The following PLCB4 variants were observed in gnomAD, a reference collection of about 807,000 sequenced individuals.
PLCB4 encodes 1-phosphatidylinositol 4,5-bisphosphate phosphodiesterase beta-4.
PLCB4 carries 77 observed loss-of-function variants against 178.8 expected under a neutral mutation model. The observed-to-expected ratio is 0.43, with a 90% CI of 0.36 to 0.52. PLCB4 has a LOEUF of 0.52. PLCB4 is among the 20% of genes least tolerant of loss of function. The pLI, the probability that PLCB4 is intolerant of heterozygous loss-of-function variation, is 0.00. For missense variants in PLCB4, 1,024 were observed against 1,453.4 expected (o/e 0.70, Z 4.80); for synonymous variants, 496 against 490.8 (o/e 1.01, Z -0.14).
chr20:9,305,198 T>G (rs2094751971), intron 3 of PLCB4, among the ~76,000 whole-genome samples: 1 of 152,164 alleles, frequency 6.6e-6, no homozygotes, highest in Non-Finnish European at 1.5e-5. Flanking sequence ...TTGTGTTTCC[T>G]ACTTATAATA....
chr20:9,175,720 T>G (rs1200594642), intron 2 of PLCB4, among the ~76,000 whole-genome samples: 1 of 152,106 alleles, frequency 6.6e-6, no homozygotes, highest in Non-Finnish European at 1.5e-5. Flanking sequence ...CTCCCTCCCC[T>G]CATCTGCCTC....
chr20:9,394,558 A>G (rs1343186005), intron 18 of PLCB4, among the ~76,000 whole-genome samples: 1 of 152,184 alleles, frequency 6.6e-6, no homozygotes. Flanking sequence ...ATCCTAATGT[A>G]TGAAACACTA....
At chr20:9,339,373 C>T (rs1018304689) in intron 7 of PLCB4, among the ~76,000 whole-genome samples, 1 of 152,076 alleles carries the variant, frequency 6.6e-6, no homozygotes, top group African/African-American at 2.4e-5. Context: ...TTCTCCTTTT[C>T]TAACAAGCTC....
Position 9,240,024 on chromosome 20 carries a change from G to T in PLCB4, c.-16+22572G>T, listed in dbSNP as rs186663368. On this transcript the variant is annotated intron_variant, in intron 3 of 39. Transcript: ENST00000378473. ...TAGATGGTGCCTGCCCAGATTGAGG[G>T]TGGGTCTGCCTCTCCCAGTCCACTG... is the stretch of plus-strand genomic sequence containing the variant. Among the ~76,000 whole-genome samples, 6 of 152,314 alleles carry T rather than the reference G, an allele frequency of 3.9e-5. No individual in the cohort carries two copies. In the East Asian group the frequency reaches 1.2e-3, roughly 29 times the overall value.
intron 36 of PLCB4, among the ~76,000 whole-genome samples, chr20:9,470,565 A>G (rs1033184421): frequency 2.6e-5 from 4 of 152,238 alleles, no homozygotes; most frequent in Non-Finnish European, 4.4e-5. Flanking sequence ...TTTTTCAAAT[A>G]TGTTACAAAG....
At chr20:9,436,902 G>A (rs897035781) in intron 29 of PLCB4, 100 bp from the exon 30 acceptor site, 9 of 1,105,996 alleles carry the variant, frequency 8.1e-6, no homozygotes, top group Non-Finnish European at 1.3e-6. Flanking sequence ...TCTAGGAAGA[G>A]TATGGTAGAA....
At chr20:9,240,049 G>A (rs2094040982) in intron 3 of PLCB4, among the ~76,000 whole-genome samples, 1 of 152,186 alleles carries the variant, frequency 6.6e-6, no homozygotes, top group Non-Finnish European at 1.5e-5. Flanking sequence ...CCAGTCCACT[G>A]ACTCAAATGT....
chr20:9,128,854 C>A (rs1316396963), intron 2 of PLCB4, among the ~76,000 whole-genome samples: 2 of 152,080 alleles, frequency 1.3e-5, no homozygotes, highest in African/African-American at 2.4e-5. Context: ...TCCTGGCAAC[C>A]ACCATTCTAT....
At chr20:9,157,219 T>TG (rs1322037126) in intron 2 of PLCB4, among the ~76,000 whole-genome samples, 2 of 138,112 alleles carry the variant, frequency 1.4e-5, no homozygotes, top group East Asian at 4.1e-4. Flanking sequence ...AAAAATCATA[T>TG]GAAAAAAAAA....
chr20:9,121,086 C>A (rs80290743), intron 2 of PLCB4, among the ~76,000 whole-genome samples: 1,880 of 152,292 alleles, frequency 0.012, 17 homozygotes, highest in Non-Finnish European at 0.019. Flanking sequence ...GGTCTCAAAG[C>A]TTTTCCCTTT....
At chr20:9,365,910 G>A (rs962635327) in intron 9 of PLCB4, among the ~76,000 whole-genome samples, 1 of 152,172 alleles carries the variant, frequency 6.6e-6, no homozygotes, top group Non-Finnish European at 1.5e-5. Context: ...GTCTTGAGAA[G>A]TGTGATGCCT....
intron 12 of PLCB4, among the ~76,000 whole-genome samples, chr20:9,377,713 G>A (rs1276541128): frequency 6.6e-6 from 1 of 152,166 alleles, no homozygotes; most frequent in African/African-American, 2.4e-5. Flanking sequence ...TTTTGCCATA[G>A]GCAGGATGGT....
chr20:9,119,401 T>C (rs147296777), intron 2 of PLCB4, among the ~76,000 whole-genome samples: 2 of 152,252 alleles, frequency 1.3e-5, no homozygotes, highest in Non-Finnish European at 2.9e-5. Context: ...ATGAAAGTTT[T>C]GTAAAGGTCA....
At chr20:9,094,052 G>A (rs771226816) in intron 1 of PLCB4, among the ~76,000 whole-genome samples, 3 of 152,062 alleles carry the variant, frequency 2.0e-5, no homozygotes, top group Non-Finnish European at 4.4e-5. Flanking sequence ...TTTAAAAAAA[G>A]TTGTTTCCTC....
chr20:9,166,079 G>A (rs1394765171), intron 2 of PLCB4, among the ~76,000 whole-genome samples: 1 of 152,080 alleles, frequency 6.6e-6, no homozygotes. Flanking sequence ...AGCCCAACTG[G>A]GGAGGTTGGA....
intron 4 of PLCB4, 41 bp from the exon 5 acceptor site, chr20:9,337,085 A>G (rs779812539): frequency 1.1e-4 from 146 of 1,271,962 alleles, no homozygotes; most frequent in Non-Finnish European, 1.6e-4. Flanking sequence ...TAGATTCAAA[A>G]TGGTGTGAGT....
intron 2 of PLCB4, among the ~76,000 whole-genome samples, chr20:9,116,352 T>C (rs2146720779): frequency 6.6e-6 from 1 of 152,302 alleles, no homozygotes; most frequent in African/African-American, 2.4e-5. Context: ...GTATAAGATA[T>C]ATATGTGTGC....
intron 3 of PLCB4, among the ~76,000 whole-genome samples, chr20:9,291,397 T>C (rs967253021): frequency 9.2e-5 from 14 of 152,152 alleles, no homozygotes; most frequent in African/African-American, 3.4e-4. Flanking sequence ...AAGTAATAGT[T>C]AATTAGTAAT....
At chr20:9,465,759 A>T (rs1034721325) in intron 35 of PLCB4, among the ~76,000 whole-genome samples, 1 of 152,224 alleles carries the variant, frequency 6.6e-6, no homozygotes, top group African/African-American at 2.4e-5. Flanking sequence ...GGAGAGCTAC[A>T]AACCACTGCT....
Sources: allele counts gnomAD v4.1 joint callset (sites outside exome capture counted in the v4.1 genomes callset), GRCh38; gene constraint gnomAD v4.1.1; transcripts MANE v1.5; gene names NCBI Gene and HGNC (gene_info 2026-07-23, HGNC 2026-07-21).